Variants in ARID4B observed in about 807,000 individuals in gnomAD.
ARID4B encodes the protein AT-rich interaction domain 4B.
Under a neutral mutation model 147.5 loss-of-function variants are expected in ARID4B, and 26 were observed. That is an observed-to-expected ratio of 0.18 (90% confidence interval 0.13 to 0.24). The LOEUF is 0.24. ARID4B is among the 10% of genes least tolerant of loss of function. The pLI is 1.00. For missense variants in ARID4B, 1,179 were observed against 1,511.5 expected, an observed-to-expected ratio of 0.78 and a Z score of 3.65; for synonymous variants, 512 against 507.9, an observed-to-expected ratio of 1.01 and a Z score of -0.11.
At chr1:235,260,790 C>G in intron 2 of ARID4B, 38 bp from the exon 3 acceptor site, 1 of 1,413,484 alleles carries the variant, frequency 7.1e-7, no homozygotes, top group Non-Finnish European at 9.8e-7. Context: ...TTTAAACTCT[C>G]TAATTCTTTC....
At chr1:235,304,490 T>C (rs986087868) in intron 2 of ARID4B, among the ~76,000 whole-genome samples, 2 of 152,164 alleles carry the variant, frequency 1.3e-5, no homozygotes, top group African/African-American at 4.8e-5. Flanking sequence ...CTTTAGAAAA[T>C]CATGTTAAAC....
chr1:235,189,633 T>TA (rs1664948364), intron 19 of ARID4B, among the ~76,000 whole-genome samples: 1 of 151,404 alleles, frequency 6.6e-6, no homozygotes, highest in African/African-American at 2.4e-5. Context: ...CATGCACCTA[T>TA]ACCCCAGCTA....
At chr1:235,295,294 G>C (rs1414194965) in intron 2 of ARID4B, among the ~76,000 whole-genome samples, 1 of 152,144 alleles carries the variant, frequency 6.6e-6, no homozygotes, top group Non-Finnish European at 1.5e-5. Flanking sequence ...TAGATCACTT[G>C]AGGTCCAGAG....
At chr1:235,267,513 A>T (rs555670140) in intron 2 of ARID4B, among the ~76,000 whole-genome samples, 4 of 152,070 alleles carry the variant, frequency 2.6e-5, no homozygotes, top group South Asian at 2.1e-4. Context: ...GAGGGAATAT[A>T]AAAAAAATGA....
intron 2 of ARID4B, among the ~76,000 whole-genome samples, chr1:235,270,002 A>G (rs1670872159): frequency 6.6e-6 from 1 of 152,012 alleles, no homozygotes; most frequent in South Asian, 2.1e-4. Context: ...ACTCAACGCC[A>G]GCCGGGCGCG....
intron 17 of ARID4B, among the ~76,000 whole-genome samples, chr1:235,212,765 G>A (rs969481712): frequency 7.9e-5 from 12 of 152,304 alleles, no homozygotes; most frequent in Non-Finnish European, 1.6e-4. Context: ...AAAGGGCATT[G>A]TGGGAAGTGA....
At chr1:235,320,310 A>T (rs1390651337) in intron 2 of ARID4B, among the ~76,000 whole-genome samples, 1 of 152,098 alleles carries the variant, frequency 6.6e-6, no homozygotes, top group Non-Finnish European at 1.5e-5. Context: ...GTCTCAAAAG[A>T]AAAGGAGGGA....
chr1:235,311,553 C>A (rs1315525080), intron 2 of ARID4B, among the ~76,000 whole-genome samples: 1 of 151,858 alleles, frequency 6.6e-6, no homozygotes, highest in Non-Finnish European at 1.5e-5. Context: ...GCAGGCAGAT[C>A]ACTTGAGGTC....
chr1:235,302,842 CA>C (rs1673275992), intron 2 of ARID4B, among the ~76,000 whole-genome samples: 1 of 152,200 alleles, frequency 6.6e-6, no homozygotes, highest in Non-Finnish European at 1.5e-5. Context: ...TTAAGCATCA[CA>C]GAAGGTTACA....
intron 23 of ARID4B, among the ~76,000 whole-genome samples, chr1:235,172,042 C>T (rs1663404070): frequency 6.6e-6 from 1 of 152,196 alleles, no homozygotes; most frequent in Non-Finnish European, 1.5e-5. Context: ...CAATCACTAC[C>T]TTAACATCAT....
At chr1:235,180,698 A>C (rs1350695503) in intron 20 of ARID4B, 2 of 152,218 alleles carry the variant, frequency 1.3e-5, no homozygotes, top group African/African-American at 4.8e-5. Context: ...AATTTGATCT[A>C]GACCATATCT....
intron 2 of ARID4B, among the ~76,000 whole-genome samples, chr1:235,264,691 C>CA (rs1329907345): frequency 6.6e-6 from 1 of 152,194 alleles, no homozygotes; most frequent in Admixed American, 6.5e-5. Context: ...TTGATGTGGA[C>CA]AAACAAGTCA....
intron 2 of ARID4B, among the ~76,000 whole-genome samples, chr1:235,269,227 A>T (rs12096019): frequency 0.04 from 6,111 of 152,300 alleles, 457 homozygotes; most frequent in African/African-American, 0.14. Flanking sequence ...CTTATACTAA[A>T]ATGTTAATAA....
At chr1:235,204,741 A>G (rs1173240864) in intron 17 of ARID4B, among the ~76,000 whole-genome samples, 2 of 152,220 alleles carry the variant, frequency 1.3e-5, no homozygotes, top group Admixed American at 6.5e-5. Flanking sequence ...TACTTTGTTA[A>G]TATTTGATAA....
intron 17 of ARID4B, among the ~76,000 whole-genome samples, chr1:235,201,583 C>T (rs886100660): frequency 5.3e-5 from 8 of 152,114 alleles, no homozygotes; most frequent in African/African-American, 1.9e-4. Context: ...CTTGGCCTCC[C>T]GAAGTGCTGG....
At chr1:235,280,496 C>T (rs1261375570) in intron 2 of ARID4B, among the ~76,000 whole-genome samples, 1 of 152,218 alleles carries the variant, frequency 6.6e-6, no homozygotes, top group Non-Finnish European at 1.5e-5. Context: ...TGATCTCCCA[C>T]AACTCAGGTC....
At chr1:235,245,627 C>G (rs535646054) in intron 7 of ARID4B, among the ~76,000 whole-genome samples, 5 of 152,124 alleles carry the variant, frequency 3.3e-5, no homozygotes, top group African/African-American at 1.2e-4. Context: ...CACCAGGAAG[C>G]AGAATTTTTA....
chr1:235,192,473 T>A (rs1571937295), intron 19 of ARID4B, among the ~76,000 whole-genome samples: 1 of 152,138 alleles, frequency 6.6e-6, no homozygotes, highest in East Asian at 1.9e-4. Flanking sequence ...GAAAATTTTT[T>A]AAAAATCAAT....
intron 18 of ARID4B, among the ~76,000 whole-genome samples, chr1:235,194,590 G>A (rs1235045261): frequency 1.3e-5 from 2 of 152,112 alleles, no homozygotes; most frequent in African/African-American, 2.4e-5. Flanking sequence ...GGAGGCCGCG[G>A]CAGGTGGATC....
Sources: gnomAD v4.1 joint callset for allele counts (sites outside exome capture counted in the v4.1 genomes callset) on GRCh38, gnomAD v4.1.1 for gene constraint, MANE v1.5 for transcripts, NCBI Gene and HGNC (gene_info 2026-07-23, HGNC 2026-07-21) for gene names.